Variants in ATP8B1 observed in about 807,000 individuals in gnomAD.
The protein encoded by ATP8B1 is phospholipid-transporting ATPase IC.
ATP8B1 carries 80 observed loss-of-function variants against 149.9 expected under a neutral mutation model. The ratio of observed to expected loss-of-function variants is 0.53; its 90% confidence interval spans 0.45 to 0.64. ATP8B1 has a LOEUF of 0.64. Ranked by LOEUF, ATP8B1 falls within the 30% of genes least tolerant of loss-of-function variation. The probability of loss-of-function intolerance (pLI) is 0.00; values close to 1 mark genes in which losing one functional copy is unlikely to be tolerated. For synonymous variants in ATP8B1, 536 were observed against 562.8 expected, an observed-to-expected ratio of 0.95 and a Z score of 0.67; for missense variants, 1,247 against 1,552.6, an observed-to-expected ratio of 0.80 and a Z score of 3.31.
chr18:57,706,442 GA>G, intron 3 of ATP8B1, 47 bp downstream of exon 3: 1 of 1,543,434 alleles, frequency 6.5e-7, no homozygotes, highest in South Asian at 1.1e-5. Flanking sequence ...CCAGCTACTG[GA>G]AAAAACTGCA....
chr18:57,787,095 G>C (rs1365254334), intron 1 of ATP8B1, among the ~76,000 whole-genome samples: 2 of 152,142 alleles, frequency 1.3e-5, no homozygotes, highest in Non-Finnish European at 2.9e-5. Context: ...AAATTTTGAA[G>C]ACAGGAAACT....
chr18:57,777,603 C>T lies in ATP8B1; in HGVS notation c.-26+25395G>A, dbSNP rs191307104. Among the ~76,000 whole-genome samples, 408 of 152,304 alleles carry T rather than the reference C, an allele frequency of 2.7e-3. 6 individuals carry two copies. The highest frequency in any genetic ancestry group is 0.023 in the Admixed American group (354 of 15,282). On this transcript the variant is annotated intron_variant, in intron 1 of 27. Transcript: ENST00000648908. ...ATTTATTTTGAGACAGGGTCTCACTCTGTTGCCCAAGCTGGAGTGCACCGG... is the reference window on the plus strand; with the variant it reads ...ATTTATTTTGAGACAGGGTCTCACTTTGTTGCCCAAGCTGGAGTGCACCGG...
intron 17 of ATP8B1, 84 bp from the exon 18 acceptor site, chr18:57,669,566 G>T: frequency 7.9e-7 from 1 of 1,262,934 alleles, no homozygotes; most frequent in Non-Finnish European, 1.1e-6. Context: ...ATTTTACTTT[G>T]AAGTAATATA....
Position 57,802,644 on chromosome 18 carries a change from A to G in ATP8B1, c.-26+354T>C, listed in dbSNP as rs556326647. 3.9e-5 allele frequency among the ~76,000 whole-genome samples: 6 copies of G among 152,376 alleles called. No individual in the cohort carries two copies. Among genetic ancestry groups the G allele is most frequent in the Non-Finnish European group, 7.3e-5 (5 of 68,036 alleles). On this transcript the variant is annotated intron_variant, in intron 1 of 27. Transcript: ENST00000648908. The surrounding 1 kb of genome is among the most constrained non-coding windows in gnomAD (Gnocchi z 4.9). ...GCACAGGAGCCAGCGGCATCCCCCAAGGAGCCGCAAGCCCTACCTGGCTTA... is the reference window on the plus strand; with the variant it reads ...GCACAGGAGCCAGCGGCATCCCCCAGGGAGCCGCAAGCCCTACCTGGCTTA...
At chr18:57,649,208 A>ATCTATCTATCTATCTATCTATCTG (rs1196967288) in intron 27 of ATP8B1, among the ~76,000 whole-genome samples, 7 of 152,086 alleles carry the variant, frequency 4.6e-5, no homozygotes, top group East Asian at 1.9e-4. Context: ...CTATCTATCT[A>ATCTATCTATCTATCTATCTATCTG]TCTATCTATC....
chr18:57,739,145 G>A (rs1171530167), intron 1 of ATP8B1, among the ~76,000 whole-genome samples: 4 of 152,030 alleles, frequency 2.6e-5, no homozygotes, highest in African/African-American at 7.2e-5. Flanking sequence ...ACAGGTGCCC[G>A]CCATGACACT....
chr18:57,670,684 A>T (rs944695212), intron 17 of ATP8B1, among the ~76,000 whole-genome samples: 40 of 151,956 alleles, frequency 2.6e-4, no homozygotes, highest in African/African-American at 9.4e-4. Context: ...AACATGAACC[A>T]GTAAACATCT....
intron 1 of ATP8B1, among the ~76,000 whole-genome samples, chr18:57,761,049 A>C (rs951708355): frequency 2.1e-5 from 3 of 145,026 alleles, no homozygotes; most frequent in South Asian, 2.1e-4. Context: ...AATAAAATAA[A>C]ATAACATAAA....
Position 57,700,117 on chromosome 18 carries a change from G to T in ATP8B1, c.554+922C>A, listed in dbSNP as rs534276678. ...TTCAGAATTGCCTTCCAGTAGCCCT[G>T]CTAAGAAGGTGCTGGCCTATCCATT... is the stretch of plus-strand genomic sequence containing the variant. On this transcript the variant is annotated intron_variant, in intron 6 of 27. Transcript: ENST00000648908. 2.6e-5 allele frequency among the ~76,000 whole-genome samples: 4 copies of T among 152,332 alleles called. No homozygotes were observed. In the South Asian group the frequency reaches 8.3e-4, roughly 32 times the overall value.
rs1911975293 is a variant in ATP8B1, at chr18:57,681,598, G to T, written c.1630+2438C>A. On this transcript the variant is annotated intron_variant, in intron 15 of 27. Coordinates refer to ENST00000648908, the MANE Select transcript of ATP8B1 (RefSeq NM_001374385.1). Reference sequence around the variant, plus strand: ...GGCAGATCACCTGAAATCAGGAGTTGGAGACCAGCCTGGCCAACATGGTGA... The same window carrying T: ...GGCAGATCACCTGAAATCAGGAGTTTGAGACCAGCCTGGCCAACATGGTGA... 2.6e-5 allele frequency among the ~76,000 whole-genome samples: 4 copies of T among 151,994 alleles called. 1 individual carries two copies. Among genetic ancestry groups the T allele is most frequent in the Non-Finnish European group, 5.9e-5 (4 of 68,016 alleles).
intron 17 of ATP8B1, among the ~76,000 whole-genome samples, chr18:57,670,951 C>G (rs1911186348): frequency 6.6e-6 from 1 of 152,196 alleles, no homozygotes; most frequent in Non-Finnish European, 1.5e-5. Context: ...TCAGGTGATA[C>G]ACCCGCCTTG....
intron 22 of ATP8B1, among the ~76,000 whole-genome samples, chr18:57,658,725 G>T (rs1910185839): frequency 6.6e-6 from 1 of 151,010 alleles, no homozygotes; most frequent in South Asian, 2.1e-4. Context: ...GAGTGCAGTG[G>T]CACAAACATG....
chr18:57,754,534 A>G (rs924276299), intron 1 of ATP8B1, among the ~76,000 whole-genome samples: 1 of 152,104 alleles, frequency 6.6e-6, no homozygotes, highest in Non-Finnish European at 1.5e-5. Flanking sequence ...GCTGCCTTTT[A>G]CAGCTGCTGT....
intron 10 of ATP8B1, 22 bp downstream of exon 10, chr18:57,695,149 T>TC: frequency 6.2e-7 from 1 of 1,612,992 alleles, no homozygotes; most frequent in Non-Finnish European, 8.5e-7. Flanking sequence ...CTGATTAATT[T>TC]CCCAAGAAAC....
chr18:57,755,609 A>G (rs1362802650), intron 1 of ATP8B1: 2 of 152,204 alleles, frequency 1.3e-5, no homozygotes, highest in Non-Finnish European at 2.9e-5. Context: ...TTACTGACTG[A>G]TGTAGTTATT....
intron 11 of ATP8B1, among the ~76,000 whole-genome samples, chr18:57,693,737 A>T (rs903607746): frequency 1.1e-4 from 17 of 151,806 alleles, no homozygotes; most frequent in South Asian, 4.1e-4. Flanking sequence ...ATAATAATAA[A>T]AAAACTCATG....
chr18:57,772,424 A>G (rs2080271082), intron 1 of ATP8B1, among the ~76,000 whole-genome samples: 1 of 152,198 alleles, frequency 6.6e-6, no homozygotes, highest in African/African-American at 2.4e-5. Flanking sequence ...GGGGGCAAAT[A>G]TTCTGCAGCA....
At chr18:57,767,228 T>G (rs1246292543) in intron 1 of ATP8B1, among the ~76,000 whole-genome samples, 1 of 152,172 alleles carries the variant, frequency 6.6e-6, no homozygotes, top group African/African-American at 2.4e-5. Flanking sequence ...ATAGGTCCAG[T>G]AGAGTCGCAG....
At chr18:57,654,137 C>T in intron 23 of ATP8B1, 62 bp from the exon 24 acceptor site, 2 of 1,316,250 alleles carry the variant, frequency 1.5e-6, no homozygotes, top group Non-Finnish European at 2.2e-6. Context: ...CTAGTTAGCA[C>T]ATACTCATCT....
Sources: gnomAD v4.1 joint callset for allele counts (sites outside exome capture counted in the v4.1 genomes callset) on GRCh38, gnomAD v4.1.1 for gene constraint, Gnocchi (gnomAD v3.1) non-coding constraint, MANE v1.5 for transcripts, NCBI Gene and HGNC (gene_info 2026-07-23, HGNC 2026-07-21) for gene names.